Variants in CDH18 observed in about 807,000 individuals in gnomAD.
CDH18 encodes the protein cadherin-18.
In CDH18, 31 loss-of-function variants were observed where a neutral mutation model predicts 67.9. The ratio of observed to expected loss-of-function variants is 0.46; its 90% CI spans 0.34 to 0.62. The LOEUF is 0.62. CDH18 is among the 20% of genes least tolerant of loss of function. The pLI is 0.01. For missense variants in CDH18, 890 were observed against 975.5 expected, an observed-to-expected ratio of 0.91 and a Z score of 1.17; for synonymous variants, 362 against 347.2, an observed-to-expected ratio of 1.04 and a Z score of -0.48.
chr5:20,532,073 C>G (rs2126557336), intron 1 of CDH18, among the ~76,000 whole-genome samples: 1 of 151,790 alleles, frequency 6.6e-6, no homozygotes, highest in South Asian at 2.1e-4. Context: ...ATACATAAAC[C>G]TTAAAATTCT....
At chr5:20,025,336 A>G (rs1358690736) in intron 2 of CDH18, among the ~76,000 whole-genome samples, 1 of 152,198 alleles carries the variant, frequency 6.6e-6, no homozygotes, top group East Asian at 1.9e-4. Flanking sequence ...TTTGGGATAT[A>G]TGGAGAATTA....
chr5:19,611,825 A>G (rs1379271249), intron 6 of CDH18, among the ~76,000 whole-genome samples: 2 of 152,076 alleles, frequency 1.3e-5, no homozygotes, highest in Non-Finnish European at 2.9e-5. Context: ...CCAAACCCAC[A>G]GGATTCATAT....
At chr5:20,242,649 T>TATATATAC (rs1561906147) in intron 2 of CDH18, among the ~76,000 whole-genome samples, 2 of 39,794 alleles carry the variant, frequency 5.0e-5, no homozygotes, top group African/African-American at 9.3e-5. Flanking sequence ...TATATATATA[T>TATATATAC]ATGTAAATGG....
chr5:19,757,174 T>C (rs1167454566), intron 3 of CDH18, among the ~76,000 whole-genome samples: 2 of 152,076 alleles, frequency 1.3e-5, no homozygotes, highest in Non-Finnish European at 2.9e-5. Context: ...ACCATGAGGG[T>C]GGATAAGGCA....
intron 2 of CDH18, among the ~76,000 whole-genome samples, chr5:19,861,437 G>A (rs6888443): frequency 0.017 from 2,568 of 152,130 alleles, 68 homozygotes; most frequent in African/African-American, 0.058. Flanking sequence ...GGTAAGAAGG[G>A]GCAAACAGAG....
intron 9 of CDH18, 129 bp downstream of exon 9, chr5:19,543,740 T>A: frequency 1.8e-6 from 1 of 551,198 alleles, no homozygotes. Flanking sequence ...TTATATCTAA[T>A]ACACTCCGCT....
At chr5:19,552,631 T>A (rs1462188461) in intron 8 of CDH18, among the ~76,000 whole-genome samples, 1 of 152,196 alleles carries the variant, frequency 6.6e-6, no homozygotes, top group Non-Finnish European at 1.5e-5. Flanking sequence ...TAAACACTAC[T>A]GTGAAAGTTG....
chr5:19,671,334 C>CA (rs1255656358), intron 5 of CDH18, among the ~76,000 whole-genome samples: 3 of 152,202 alleles, frequency 2.0e-5, no homozygotes, highest in Non-Finnish European at 2.9e-5. Flanking sequence ...AAAAATAACA[C>CA]AATACATTGT....
At chr5:20,237,360 C>A (rs78740903) in intron 2 of CDH18, among the ~76,000 whole-genome samples, 3,772 of 151,696 alleles carry the variant, frequency 0.025, 165 homozygotes, top group African/African-American at 0.085. Flanking sequence ...ACTGGGCAAC[C>A]AAATTAGAAA....
intron 1 of CDH18, among the ~76,000 whole-genome samples, chr5:20,521,205 A>G (rs1755720362): frequency 6.6e-6 from 1 of 152,176 alleles, no homozygotes; most frequent in Non-Finnish European, 1.5e-5. Context: ...GCAAAGGAGC[A>G]TAGAGCAAAT....
At chr5:20,170,788 T>C (rs1412338454) in intron 2 of CDH18, among the ~76,000 whole-genome samples, 3 of 152,018 alleles carry the variant, frequency 2.0e-5, no homozygotes, top group Non-Finnish European at 4.4e-5. Flanking sequence ...TTTGTACAGA[T>C]TATTTAATCA....
chr5:19,540,733 G>C (rs139948201), intron 9 of CDH18, among the ~76,000 whole-genome samples: 1 of 152,076 alleles, frequency 6.6e-6, no homozygotes, highest in African/African-American at 2.4e-5. Context: ...CAGCTGGTGC[G>C]ACTGGGATGC....
intron 2 of CDH18, among the ~76,000 whole-genome samples, chr5:20,161,831 C>A (rs996934773): frequency 6.6e-6 from 1 of 152,138 alleles, no homozygotes; most frequent in Admixed American, 6.6e-5. Context: ...AGGTGCCTAG[C>A]AGGCACTTGA....
intron 12 of CDH18, among the ~76,000 whole-genome samples, chr5:19,474,875 A>T (rs1239720644): frequency 6.6e-6 from 1 of 152,058 alleles, no homozygotes; most frequent in Non-Finnish European, 1.5e-5. Context: ...TTGGCCATTT[A>T]TCAATATTTT....
chr5:19,866,918 G>A (rs1282734133), intron 2 of CDH18, among the ~76,000 whole-genome samples: 1 of 151,914 alleles, frequency 6.6e-6, no homozygotes, highest in African/African-American at 2.4e-5. Flanking sequence ...GCTGAAACCT[G>A]GTCTCTACTA....
chr5:20,568,814 G>A (rs1758655960), intron 1 of CDH18, among the ~76,000 whole-genome samples: 1 of 152,210 alleles, frequency 6.6e-6, no homozygotes, highest in Middle Eastern at 3.4e-3. Flanking sequence ...CTTCCAAAAT[G>A]TAATTAGTTT....
intron 2 of CDH18, among the ~76,000 whole-genome samples, chr5:19,962,395 A>AAAAAAAAAAAAAAAAAAAAAAT (rs58319680): frequency 5.1e-5 from 6 of 117,058 alleles, no homozygotes; most frequent in Non-Finnish European, 8.6e-5. Flanking sequence ...AAAAAAAAAA[A>AAAAAAAAAAAAAAAAAAAAAAT]AGAAAATTCA....
chr5:19,650,599 C>G (rs138865478), intron 5 of CDH18, among the ~76,000 whole-genome samples: 3 of 152,000 alleles, frequency 2.0e-5, no homozygotes, highest in Non-Finnish European at 4.4e-5. Context: ...AACAAGCAAG[C>G]GAAGCATATT....
At chr5:20,141,689 T>C (rs1157528593) in intron 2 of CDH18, among the ~76,000 whole-genome samples, 1 of 151,854 alleles carries the variant, frequency 6.6e-6, no homozygotes, top group Non-Finnish European at 1.5e-5. Flanking sequence ...CAGCAAAGGG[T>C]TTATTGGGTG....
Sources: gnomAD v4.1 joint callset for allele counts (sites outside exome capture counted in the v4.1 genomes callset) on GRCh38, gnomAD v4.1.1 for gene constraint, MANE v1.5 for transcripts, NCBI Gene and HGNC (gene_info 2026-07-23, HGNC 2026-07-21) for gene names.